Variants in BCL11A observed in about 807,000 individuals in gnomAD.
BCL11A encodes BCL11 transcription factor A, also known as B cell CLL/lymphoma 11A.
Under a neutral mutation model 55.9 loss-of-function variants are expected in BCL11A, and 2 were observed. That is an observed-to-expected ratio of 0.04 (90% CI 0.01 to 0.11). The LOEUF (loss-of-function observed/expected upper bound fraction) is 0.11. BCL11A is among the 10% of genes least tolerant of loss of function. The pLI is 1.00. For synonymous variants in BCL11A, 465 were observed against 473.4 expected (o/e 0.98, Z 0.23); for missense variants, 817 against 1,137.1 (o/e 0.72, Z 4.05).
chr2:60,552,377 G>T (rs1470465350), intron 1 of BCL11A, among the ~76,000 whole-genome samples: 3 of 151,940 alleles, frequency 2.0e-5, no homozygotes, highest in African/African-American at 7.2e-5. Context: ...TCCCTCTCCC[G>T]CGTGCCCCCG....
At chr2:60,517,375 C>T (rs1249266889) in intron 2 of BCL11A, among the ~76,000 whole-genome samples, 2 of 152,170 alleles carry the variant, frequency 1.3e-5, no homozygotes, top group Non-Finnish European at 2.9e-5. Context: ...GGAAGACCAG[C>T]CCCGAAAAAG....
intron 2 of BCL11A, among the ~76,000 whole-genome samples, chr2:60,523,993 C>T (rs1343787983): frequency 6.6e-6 from 1 of 152,122 alleles, no homozygotes; most frequent in Non-Finnish European, 1.5e-5. Context: ...CAATTATGTT[C>T]CCATAAATAC....
intron 2 of BCL11A, among the ~76,000 whole-genome samples, chr2:60,532,571 G>C (rs1310940637): frequency 6.7e-6 from 1 of 150,306 alleles, no homozygotes. Context: ...TGGCGAAAAA[G>C]AAAAAAAAGG....
chr2:60,473,592 G>A (rs1677340577), intron 2 of BCL11A, among the ~76,000 whole-genome samples: 1 of 152,218 alleles, frequency 6.6e-6, no homozygotes, highest in Admixed American at 6.5e-5. Context: ...AGTGCAGCTA[G>A]TCTGAGCTAG....
chr2:60,519,030 C>A (rs959975870), intron 2 of BCL11A, among the ~76,000 whole-genome samples: 1 of 152,230 alleles, frequency 6.6e-6, no homozygotes, highest in African/African-American at 2.4e-5. Context: ...CATCTCTCAA[C>A]TCTTGAGAGA....
At chr2:60,507,501 C>A (rs565848282) in intron 2 of BCL11A, among the ~76,000 whole-genome samples, 150 of 152,166 alleles carry the variant, frequency 9.9e-4, no homozygotes, top group African/African-American at 3.2e-3. Flanking sequence ...AAAGTTAAAA[C>A]CTTGTGAAGT....
At chr2:60,450,867 G>T (rs1675699041), downstream of BCL11A, 1 of 152,774 alleles carries the variant, frequency 6.5e-6, no homozygotes. Flanking sequence ...GCCATCCTGG[G>T]TCTGTATGTG....
downstream of BCL11A, among the ~76,000 whole-genome samples, chr2:60,453,513 T>G (rs1675812103): frequency 6.6e-6 from 1 of 152,192 alleles, no homozygotes; most frequent in African/African-American, 2.4e-5. Context: ...GGATCTCAGC[T>G]GCTCTCACGC....
intron 2 of BCL11A, chr2:60,495,815 CCCTT>C (rs1558643253): frequency 1.3e-5 from 2 of 152,154 alleles, no homozygotes; most frequent in African/African-American, 2.4e-5. Flanking sequence ...AATTCAATAC[CCCTT>C]CCCCCAACCA....
intron 2 of BCL11A, among the ~76,000 whole-genome samples, chr2:60,515,354 G>T (rs78919997): frequency 8.5e-5 from 13 of 152,298 alleles, no homozygotes; most frequent in African/African-American, 3.1e-4. Context: ...ATCAAGCAGC[G>T]TGAGCAAAGT....
chr2:60,458,775 G>A lies in BCL11A; in HGVS notation c.*1629C>T. 6 of 1,029,522 alleles carry A rather than the reference G, an allele frequency of 5.8e-6. No homozygotes were observed. The highest frequency in any genetic ancestry group is 7.0e-6 in the Non-Finnish European group (6 of 855,510). 63.8% of individuals were successfully genotyped at this position (1,029,522 alleles called of 1,614,324 possible). ...TTTTATACTCAACCTCTGTATCTCT[G>A]ATTAGAGAAAAGATACAGATATCAC... On this transcript the variant is annotated 3_prime_UTR_variant, in exon 4 of 4. Transcript: ENST00000642384.
At chr2:60,470,657 C>A (rs900314574) in intron 2 of BCL11A, among the ~76,000 whole-genome samples, 3 of 152,196 alleles carry the variant, frequency 2.0e-5, no homozygotes, top group African/African-American at 7.2e-5. Context: ...CCATGCCTAG[C>A]CCCTCGCATG....
chr2:60,480,397 C>G (rs553035453), intron 2 of BCL11A, among the ~76,000 whole-genome samples: 1 of 152,300 alleles, frequency 6.6e-6, no homozygotes, highest in East Asian at 1.9e-4. Flanking sequence ...AGAAGAGCCC[C>G]TCAATAAATA....
chr2:60,530,404 C>A (rs1669396003), intron 2 of BCL11A, among the ~76,000 whole-genome samples: 1 of 151,840 alleles, frequency 6.6e-6, no homozygotes, highest in Non-Finnish European at 1.5e-5. Context: ...CACGCCCCAC[C>A]CCACTGCACC....
intron 1 of BCL11A, among the ~76,000 whole-genome samples, chr2:60,552,184 GTTGGCAGAGCGT>G (rs1670439820): frequency 6.6e-6 from 1 of 151,918 alleles, no homozygotes; most frequent in South Asian, 2.1e-4. Flanking sequence ...ACAGAAAAGG[GTTGGCAGAGCGT>G]TTGGCTTCGG....
At chr2:60,548,314 T>G (rs1670242342) in intron 1 of BCL11A, among the ~76,000 whole-genome samples, 1 of 151,490 alleles carries the variant, frequency 6.6e-6, no homozygotes, top group Non-Finnish European at 1.5e-5. Flanking sequence ...AATTTTTTAT[T>G]TCCACCGTTA....
At chr2:60,516,781 G>C (rs1455569567) in intron 2 of BCL11A, among the ~76,000 whole-genome samples, 1 of 152,190 alleles carries the variant, frequency 6.6e-6, no homozygotes, top group Non-Finnish European at 1.5e-5. Context: ...AAGCAAGCAG[G>C]ACATAAGAGT....
intron 2 of BCL11A, among the ~76,000 whole-genome samples, chr2:60,506,583 C>A (rs572202520): frequency 4.7e-4 from 72 of 152,360 alleles, no homozygotes; most frequent in African/African-American, 1.7e-3. Flanking sequence ...CAAAACACAG[C>A]ACCCACGTGC....
intron 2 of BCL11A, among the ~76,000 whole-genome samples, chr2:60,528,950 C>T (rs899726963): frequency 1.3e-5 from 2 of 152,176 alleles, no homozygotes; most frequent in African/African-American, 4.8e-5. Context: ...AAATGATTCC[C>T]TCAGACTCTC....
Sources: allele counts gnomAD v4.1 joint callset (sites outside exome capture counted in the v4.1 genomes callset), GRCh38; gene constraint gnomAD v4.1.1; transcripts MANE v1.5; gene names NCBI Gene and HGNC (gene_info 2026-07-23, HGNC 2026-07-21).